PDLIM5: variants seen among roughly 807,000 people sequenced by gnomAD.
The protein encoded by PDLIM5 is PDZ and LIM domain 5.
A neutral mutation model predicts 64.2 loss-of-function variants in PDLIM5; 34 were observed. The observed-to-expected ratio is 0.53, with a 90% CI of 0.40 to 0.71. PDLIM5 has a LOEUF of 0.71. Ranked by LOEUF, PDLIM5 falls within the 30% of genes least tolerant of loss-of-function variation. The pLI, the probability that PDLIM5 is intolerant of heterozygous loss-of-function variation, is 0.00. For missense variants in PDLIM5, 683 were observed against 733.6 expected (o/e 0.93, Z 0.80); for synonymous variants, 253 against 269.1 (o/e 0.94, Z 0.59).
chr4:94,549,566 A>G (rs1462403123), intron 3 of PDLIM5, among the ~76,000 whole-genome samples: 1 of 152,242 alleles, frequency 6.6e-6, no homozygotes, highest in Non-Finnish European at 1.5e-5. Flanking sequence ...GTCTGTCTGT[A>G]TAATGGAACA....
chr4:94,516,514 C>A (rs1417433085), intron 2 of PDLIM5, among the ~76,000 whole-genome samples: 1 of 96,920 alleles, frequency 1.0e-5, no homozygotes, highest in Non-Finnish European at 2.7e-5. Context: ...AGCAGTCTCT[C>A]TCTCTCTCTC....
chr4:94,610,983 A>T (rs750078320), intron 7 of PDLIM5: 4 of 971,592 alleles, frequency 4.1e-6, no homozygotes, highest in Non-Finnish European at 6.2e-6. Flanking sequence ...CGTAAAGGAA[A>T]TGTTTCAAAT....
intron 2 of PDLIM5, among the ~76,000 whole-genome samples, chr4:94,479,613 G>A (rs1283601999): frequency 1.3e-5 from 2 of 152,064 alleles, no homozygotes; most frequent in Non-Finnish European, 2.9e-5. Context: ...TTACAGGCAT[G>A]AGCCACTGCG....
chr4:94,607,930 A>G, intron 7 of PDLIM5: 1 of 516,898 alleles, frequency 1.9e-6, no homozygotes, highest in Admixed American at 3.8e-5. Context: ...GATGTGAAGT[A>G]AAAGAAAACC....
At chr4:94,558,045 G>C (rs1193253269) in intron 3 of PDLIM5, among the ~76,000 whole-genome samples, 1 of 152,060 alleles carries the variant, frequency 6.6e-6, no homozygotes, top group Non-Finnish European at 1.5e-5. Flanking sequence ...CTGTGAGTTT[G>C]TCATAAGTAG....
intron 2 of PDLIM5, among the ~76,000 whole-genome samples, chr4:94,509,232 T>G (rs1728656126): frequency 6.6e-6 from 1 of 152,212 alleles, no homozygotes; most frequent in Non-Finnish European, 1.5e-5. Context: ...TACTTTGTTT[T>G]GGTCTCTGGT....
At chr4:94,564,419 C>T (rs1374262440) in intron 3 of PDLIM5, among the ~76,000 whole-genome samples, 2 of 152,178 alleles carry the variant, frequency 1.3e-5, no homozygotes, top group Admixed American at 6.6e-5. Context: ...TGGTACATTC[C>T]TGCCTCAGGA....
intron 2 of PDLIM5, among the ~76,000 whole-genome samples, chr4:94,482,648 G>A (rs1184315682): frequency 6.6e-6 from 1 of 152,066 alleles, no homozygotes; most frequent in African/African-American, 2.4e-5. Flanking sequence ...CTAATTCCTT[G>A]CACTTTAGGA....
chr4:94,621,227 A>G (rs1399223073), intron 8 of PDLIM5, among the ~76,000 whole-genome samples: 1 of 152,136 alleles, frequency 6.6e-6, no homozygotes, highest in Non-Finnish European at 1.5e-5. Flanking sequence ...AGTCTCTGAA[A>G]TTTCTGGACT....
chr4:94,526,816 T>G (rs1326101210), intron 3 of PDLIM5, among the ~76,000 whole-genome samples: 1 of 150,680 alleles, frequency 6.6e-6, no homozygotes, highest in African/African-American at 2.4e-5. Context: ...CACTGCAACC[T>G]CCACCTCCCA....
intron 7 of PDLIM5, among the ~76,000 whole-genome samples, chr4:94,595,776 C>T (rs1266501976): frequency 6.6e-6 from 1 of 152,066 alleles, no homozygotes; most frequent in Non-Finnish European, 1.5e-5. Context: ...AGTATATTAC[C>T]TAAAGCTGCT....
chr4:94,557,969 A>T (rs1189987445), intron 3 of PDLIM5, among the ~76,000 whole-genome samples: 1 of 152,190 alleles, frequency 6.6e-6, no homozygotes, highest in Non-Finnish European at 1.5e-5. Flanking sequence ...GAAAGGGGGC[A>T]TCCCTGTCTT....
intron 9 of PDLIM5, among the ~76,000 whole-genome samples, chr4:94,643,815 A>C (rs1044788349): frequency 1.3e-5 from 2 of 152,194 alleles, no homozygotes; most frequent in Non-Finnish European, 2.9e-5. Context: ...CTCTCTCATA[A>C]GGAGCACCAT....
intron 2 of PDLIM5, among the ~76,000 whole-genome samples, chr4:94,490,124 A>G (rs1726732214): frequency 6.6e-6 from 1 of 151,868 alleles, no homozygotes; most frequent in South Asian, 2.1e-4. Context: ...TCAAATATGA[A>G]CTGTGGGGGG....
At chr4:94,551,015 G>A (rs1285573474) in intron 3 of PDLIM5, among the ~76,000 whole-genome samples, 1 of 151,986 alleles carries the variant, frequency 6.6e-6, no homozygotes, top group East Asian at 1.9e-4. Context: ...AATTCAAAAG[G>A]AAAGGCAAAG....
chr4:94,515,880 A>G (rs1407799387), intron 2 of PDLIM5, among the ~76,000 whole-genome samples: 1 of 152,200 alleles, frequency 6.6e-6, no homozygotes, highest in Non-Finnish European at 1.5e-5. Context: ...ATTTCTCTGT[A>G]ATTAACAAAT....
intron 3 of PDLIM5, among the ~76,000 whole-genome samples, chr4:94,548,537 A>G (rs1338225947): frequency 6.6e-6 from 1 of 152,134 alleles, no homozygotes. Context: ...TATACATCCA[A>G]TTTTCAATTT....
intron 7 of PDLIM5, among the ~76,000 whole-genome samples, chr4:94,597,454 A>G (rs1737152730): frequency 6.6e-6 from 1 of 152,158 alleles, no homozygotes; most frequent in Non-Finnish European, 1.5e-5. Context: ...ATCAGATAAC[A>G]TCTATTCAAG....
In PDLIM5 at chr4:94,628,663, T is replaced by C. The variant is rs41463747; in HGVS notation, c.1108+10472T>C. On this transcript the variant is annotated intron_variant, in intron 8 of 12. Coordinates refer to ENST00000317968, the MANE Select transcript of PDLIM5 (RefSeq NM_006457.5). ...ATTTGTATAAATAGTTGAAAATTGG[T>C]GGGAAAATGGTAAAAGCCAAACCCA... is the stretch of plus-strand genomic sequence containing the variant. 6.3e-3 allele frequency among the ~76,000 whole-genome samples: 953 copies of C among 152,238 alleles called. 7 individuals carry two copies. Among genetic ancestry groups the C allele is most frequent in the African/African-American group, 0.021 (887 of 41,536 alleles).
Sources: allele counts gnomAD v4.1 joint callset (sites outside exome capture counted in the v4.1 genomes callset), GRCh38; gene constraint gnomAD v4.1.1; transcripts MANE v1.5; gene names NCBI Gene and HGNC (gene_info 2026-07-23, HGNC 2026-07-21).